The following FUCA2 variants were observed in gnomAD, a reference collection of about 807,000 sequenced individuals.
FUCA2 encodes alpha-L-fucosidase 2.
FUCA2 carries 41 observed loss-of-function variants against 52.6 expected under a neutral mutation model. That is an observed-to-expected ratio of 0.78 (90% CI 0.61 to 1.01). The LOEUF is 1.01. Ranked by LOEUF, FUCA2 falls within the 50% of genes least tolerant of loss-of-function variation. The pLI, the probability that FUCA2 is intolerant of heterozygous loss-of-function variation, is 0.00. For synonymous variants in FUCA2, 211 were observed against 217.3 expected (o/e 0.97, Z 0.26); for missense variants, 507 against 569.5 (o/e 0.89, Z 1.12).
At position 143,507,920 on chromosome 6, in the gene FUCA2, C is replaced by G. The variant is rs553682349; in HGVS notation, c.225-496G>C. On this transcript the variant is annotated intron_variant, in intron 1 of 6. Coordinates refer to ENST00000002165, the MANE Select transcript of FUCA2 (RefSeq NM_032020.5). This position sits in a 1 kb window ranked among gnomAD's most constrained non-coding sequence, Gnocchi z 4.5. Reference sequence around the variant, plus strand: ...CTGGGCTCAAGCGATCTTCCTGCTTCAGTCTCCCGAAGTGTTAGGATTACA... The same window carrying G: ...CTGGGCTCAAGCGATCTTCCTGCTTGAGTCTCCCGAAGTGTTAGGATTACA... Among the ~76,000 whole-genome samples, 1 of 152,280 alleles carries G rather than the reference C, an allele frequency of 6.6e-6. No homozygotes were observed. The highest frequency in any genetic ancestry group is 2.1e-4 in the South Asian group (1 of 4,826).
In FUCA2 at chr6:143,502,806, C is replaced by T. The variant is rs1780548512; in HGVS notation, c.753-241G>A. The T allele has an allele frequency of 2.3e-6, 1 of 441,144 alleles. No homozygotes were observed. The highest frequency in any genetic ancestry group is 4.0e-6 in the Non-Finnish European group (1 of 247,948). 27.3% of individuals were successfully genotyped at this position (441,144 alleles called of 1,614,324 possible). Reference sequence around the variant, plus strand: ...GACTCCTCTGAATAATGAATTTCCTCATCTATGATTAGAACAAAAATAAGT... The same window carrying T: ...GACTCCTCTGAATAATGAATTTCCTTATCTATGATTAGAACAAAAATAAGT... On this transcript the variant is annotated intron_variant, in intron 3 of 6. Transcript: ENST00000002165. The surrounding 1 kb of genome is among the most constrained non-coding windows in gnomAD (Gnocchi z 4.1).
intron 6 of FUCA2, chr6:143,496,839 AT>A (rs1780467030): frequency 6.6e-6 from 1 of 152,232 alleles, no homozygotes; most frequent in South Asian, 2.1e-4. Flanking sequence ...ACAACGTAAA[AT>A]GACTGTGAAG....
rs776220812 is a variant in FUCA2 at position 143,503,961 on chromosome 6, T to TC, written c.703dup (p.Asp235GlyfsTer15). 6.2e-7 allele frequency: 1 copy of TC among 1,614,166 alleles called. No individual in the cohort carries two copies. The highest frequency in any genetic ancestry group is 8.5e-7 in the Non-Finnish European group (1 of 1,180,024). On this transcript the variant is annotated frameshift_variant, in exon 3 of 7. Coordinates refer to ENST00000002165, the MANE Select transcript of FUCA2 (RefSeq NM_032020.5). LOFTEE classifies it high-confidence loss of function. This position sits in a 1 kb window ranked among gnomAD's most constrained non-coding sequence, Gnocchi z 4.8. ...GAAGCCTGTGCTGTTCCAGTATTGATCCGGTGCTCCTCCGTCACCATCCGA... is the reference window on the plus strand; with the variant it reads ...GAAGCCTGTGCTGTTCCAGTATTGATCCCGGTGCTCCTCCGTCACCATCCGA...
At position 143,511,631 on chromosome 6, in the gene FUCA2, G is replaced by T. The variant is rs1489405456; in HGVS notation, c.4C>A (p.Arg2=). Residue 2 remains arginine, a synonymous_variant, in exon 1 of 7, where the codon CGG becomes AGG. Transcript: ENST00000002165. This position sits in a 1 kb window ranked among gnomAD's most constrained non-coding sequence, Gnocchi z 6.3. ...GCGAGCCTGGGGAGCTCCTGGGGCCGCATGTCCCGGCGCAGGCCGGCTGTC... is the reference window on the plus strand; with the variant it reads ...GCGAGCCTGGGGAGCTCCTGGGGCCTCATGTCCCGGCGCAGGCCGGCTGTC... The part of the protein sequence containing the change: M[R]PQELPRLAFP... The T allele has an allele frequency of 3.3e-6, 5 of 1,515,116 alleles. No individual in the cohort carries two copies. The highest frequency in any genetic ancestry group is 1.4e-5 in the African/African-American group (1 of 71,798). 93.9% of individuals were successfully genotyped at this position (1,515,116 alleles called of 1,614,324 possible).
chr6:143,507,272 G>T lies in FUCA2; in HGVS notation c.377C>A (p.Ala126Asp). 1 of 1,601,062 alleles carries T rather than the reference G, an allele frequency of 6.2e-7. No homozygotes were observed. Among genetic ancestry groups the T allele is most frequent in the South Asian group, 1.1e-5 (1 of 88,380 alleles). The change falls in exon 2 of 7, where the codon GCC becomes GAC. Residue 126 changes from alanine (A) to aspartate (D), a missense_variant. Coordinates refer to ENST00000002165, the MANE Select transcript of FUCA2 (RefSeq NM_032020.5). The surrounding 1 kb of genome is among the most constrained non-coding windows in gnomAD (Gnocchi z 4.5). ...QWADIFQASG[A>D]KYIVLTSKHH... ...TTTGGAAGTTAAGACAATGTATTTGGCACCAGAGGCCTGAAAAATATCTGC... is the reference window on the plus strand; with the variant it reads ...TTTGGAAGTTAAGACAATGTATTTGTCACCAGAGGCCTGAAAAATATCTGC...
rs1780652209 is a variant in FUCA2, at chr6:143,509,203, T to C, written c.225-1779A>G. 6.6e-6 allele frequency among the ~76,000 whole-genome samples: 1 copy of C among 152,234 alleles called. No individual in the cohort carries two copies. The highest frequency in any genetic ancestry group is 2.4e-5 in the African/African-American group (1 of 41,458). On this transcript the variant is annotated intron_variant, in intron 1 of 6. Coordinates refer to ENST00000002165, the MANE Select transcript of FUCA2 (RefSeq NM_032020.5). The surrounding 1 kb of genome is among the most constrained non-coding windows in gnomAD (Gnocchi z 5.4). Reference sequence around the variant, plus strand: ...AAGAGGCATTTATGGTAAAGGTCTATCATTTATATTTGGTTTTTAATAGAC... The same window carrying C: ...AAGAGGCATTTATGGTAAAGGTCTACCATTTATATTTGGTTTTTAATAGAC...
At position 143,511,409 on chromosome 6, in the gene FUCA2, A is replaced by T; in HGVS notation, c.224+2T>A. 1 of 1,609,670 alleles carries T rather than the reference A, an allele frequency of 6.2e-7. No individual in the cohort carries two copies. The highest frequency in any genetic ancestry group is 8.5e-7 in the Non-Finnish European group (1 of 1,177,656). On this transcript the variant is annotated splice_donor_variant, in intron 1 of 6. Transcript: ENST00000002165. LOFTEE classifies it high-confidence loss of function. The surrounding 1 kb of genome is among the most constrained non-coding windows in gnomAD (Gnocchi z 6.3). ...AGACGAGACAAAAGGGAGCGCACTC[A>T]CCAGAACCACTCGCTACCGAAGCTG...
Position 143,507,497 on chromosome 6 carries a change from T to G in FUCA2, c.225-73A>C. On this transcript the variant is annotated intron_variant, in intron 1 of 6. Transcript: ENST00000002165. This position sits in a 1 kb window ranked among gnomAD's most constrained non-coding sequence, Gnocchi z 4.5. ...TTTAAAAGAACTGCTCCAGCTCCCC[T>G]TACCATTTACCCCTCACACAGATAG... The G allele has an allele frequency of 9.6e-7, 1 of 1,045,576 alleles. No individual in the cohort carries two copies. The highest frequency in any genetic ancestry group is 1.7e-5 in the South Asian group (1 of 59,434). The allele number at this position is 1,045,576 out of a possible 1,614,324, so 64.8% of individuals were successfully genotyped here. A position where few individuals can be genotyped will look rare whatever the true frequency, so the allele number is the denominator to read the frequency against.
intron 6 of FUCA2, chr6:143,496,655 G>A (rs921120846): frequency 6.6e-6 from 1 of 152,138 alleles, no homozygotes; most frequent in Non-Finnish European, 1.5e-5. Context: ...TGCCAGATCT[G>A]GTGGTTTCAA....
rs1429676939 is a variant in FUCA2, at chr6:143,504,873, T to C, written c.413-621A>G. 1 of 136,802 alleles carries C rather than the reference T, an allele frequency of 7.3e-6. No homozygotes were observed. The highest frequency in any genetic ancestry group is 2.0e-4 in the East Asian group (1 of 4,930). The allele number at this position is 136,802 out of a possible 1,614,324, so 8.5% of individuals were successfully genotyped here. ...CAGAGGGGCAAAAAAAAACCCCTAC[T>C]ATTCCCAATAGTTCTATACTTTAAA... On this transcript the variant is annotated intron_variant, in intron 2 of 6. Transcript: ENST00000002165. The surrounding 1 kb of genome is among the most constrained non-coding windows in gnomAD (Gnocchi z 4.4).
chr6:143,507,240 C>T lies in FUCA2; in HGVS notation c.409G>A (p.Glu137Lys). 6.3e-7 allele frequency: 1 copy of T among 1,586,596 alleles called. No individual in the cohort carries two copies. The highest frequency in any genetic ancestry group is 8.5e-7 in the Non-Finnish European group (1 of 1,171,948). Reference sequence around the variant, plus strand: ...TCCATAGGCTGGATTGACTTACCTTCATGATGTTTGGAAGTTAAGACAATG... The same window carrying T: ...TCCATAGGCTGGATTGACTTACCTTTATGATGTTTGGAAGTTAAGACAATG... ...KYIVLTSKHH[E>K]GFTLWGSEYS... The change falls in exon 2 of 7, where the codon GAA becomes AAA. Residue 137 changes from glutamate to lysine, a missense_variant. Glu to Lys is a moderately conservative substitution (Grantham distance 56). Coordinates refer to ENST00000002165, the MANE Select transcript of FUCA2 (RefSeq NM_032020.5). This position sits in a 1 kb window ranked among gnomAD's most constrained non-coding sequence, Gnocchi z 4.5.
At position 143,497,851 on chromosome 6, in the gene FUCA2, C is replaced by G. The variant is rs970815595; in HGVS notation, c.1155-354G>C. On this transcript the variant is annotated intron_variant, in intron 5 of 6. Transcript: ENST00000002165. This position sits in a 1 kb window ranked among gnomAD's most constrained non-coding sequence, Gnocchi z 5.3. ...ATATTCATTCATTCATTCAACAAGA[C>G]AAGATATGCATGTGTCAATTCTGTG... Among the ~76,000 whole-genome samples, 4 of 152,178 alleles carry G rather than the reference C, an allele frequency of 2.6e-5. No individual in the cohort carries two copies. The highest frequency in any genetic ancestry group is 4.4e-5 in the Non-Finnish European group (3 of 68,030).
chr6:143,505,429 C>T (rs953695003), intron 2 of FUCA2: 2 of 151,438 alleles, frequency 1.3e-5, no homozygotes. Flanking sequence ...ATGCTCCCAC[C>T]TCAGCCTACC....
rs1780503418 is a variant in FUCA2 at position 143,499,420 on chromosome 6, G to T, written c.1155-1923C>A. 6.6e-6 allele frequency among the ~76,000 whole-genome samples: 1 copy of T among 152,138 alleles called. No homozygotes were observed. The highest frequency in any genetic ancestry group is 1.5e-5 in the Non-Finnish European group (1 of 68,018). On this transcript the variant is annotated intron_variant, in intron 5 of 6. Transcript: ENST00000002165. This position sits in a 1 kb window ranked among gnomAD's most constrained non-coding sequence, Gnocchi z 6.0. ...AATACAAAAAAATTAGCCAGGCTTGGTGGCGGACACCTGTAATCCCAGCTA... is the reference window on the plus strand; with the variant it reads ...AATACAAAAAAATTAGCCAGGCTTGTTGGCGGACACCTGTAATCCCAGCTA...
rs752131681 is a variant in FUCA2, at chr6:143,504,128, C to T, written c.537G>A (p.Leu179=). The T allele has an allele frequency of 6.2e-7, 1 of 1,614,106 alleles. No homozygotes were observed. Among genetic ancestry groups the T allele is most frequent in the Non-Finnish European group, 8.5e-7 (1 of 1,180,004 alleles). The change falls in exon 3 of 7, where the codon CTG becomes CTA. Residue 179 remains leucine, a synonymous_variant. Coordinates refer to ENST00000002165, the MANE Select transcript of FUCA2 (RefSeq NM_032020.5). The surrounding 1 kb of genome is among the most constrained non-coding windows in gnomAD (Gnocchi z 4.4). ...IRNRTDLRFG[L]YYSLFEWFHP... ...GAAACCATTCAAAAAGGGAATAGTA[C>T]AGTCCAAAACGCAGGTCAGTTCTGT... is the stretch of plus-strand genomic sequence containing the variant.
Position 143,511,403 on chromosome 6 carries a change from G to A in FUCA2, c.224+8C>T. 1 of 1,598,160 alleles carries A rather than the reference G, an allele frequency of 6.3e-7. No homozygotes were observed. Among genetic ancestry groups the A allele is most frequent in the Non-Finnish European group, 8.5e-7 (1 of 1,169,948 alleles). Reference sequence around the variant, plus strand: ...CGCGGCAGACGAGACAAAAGGGAGCGCACTCACCAGAACCACTCGCTACCG... The same window carrying A: ...CGCGGCAGACGAGACAAAAGGGAGCACACTCACCAGAACCACTCGCTACCG... On this transcript the variant is annotated splice_region_variant and intron_variant, in intron 1 of 6. Coordinates refer to ENST00000002165, the MANE Select transcript of FUCA2 (RefSeq NM_032020.5). This position sits in a 1 kb window ranked among gnomAD's most constrained non-coding sequence, Gnocchi z 6.3.
At position 143,495,938 on chromosome 6, in the gene FUCA2, C is replaced by G. The variant is rs1780453325; in HGVS notation, c.1264-91G>C. 8.2e-6 allele frequency: 11 copies of G among 1,345,562 alleles called. No individual in the cohort carries two copies. The highest frequency in any genetic ancestry group is 1.0e-5 in the Non-Finnish European group (10 of 969,908). The allele number at this position is 1,345,562 out of a possible 1,614,324, so 83.4% of individuals were successfully genotyped here. A position where few individuals can be genotyped will look rare whatever the true frequency, so the allele number is the denominator to read the frequency against. On this transcript the variant is annotated intron_variant, in intron 6 of 6. Transcript: ENST00000002165. This position sits in a 1 kb window ranked among gnomAD's most constrained non-coding sequence, Gnocchi z 5.2. Reference sequence around the variant, plus strand: ...GGGAAGGAGTGATTAGTAGTTCAAACAAAATTGTAGACAAGAGGTTCATTT... The same window carrying G: ...GGGAAGGAGTGATTAGTAGTTCAAAGAAAATTGTAGACAAGAGGTTCATTT...
rs186735057 is a variant in FUCA2, at chr6:143,500,052, G to A, written c.1154+1880C>T. 1.0e-4 allele frequency among the ~76,000 whole-genome samples: 15 copies of A among 143,226 alleles called. No homozygotes were observed. The East Asian group carries it at 2.0e-3, about 19-fold the overall frequency. 94.0% of individuals were successfully genotyped at this position (143,226 alleles called of 152,430 possible). Reference sequence around the variant, plus strand: ...TTTTACATTGTATGTGTCTGGGTGCGTGTGTGTGTGTGTGTGTTTCCATAG... The same window carrying A: ...TTTTACATTGTATGTGTCTGGGTGCATGTGTGTGTGTGTGTGTTTCCATAG... On this transcript the variant is annotated intron_variant, in intron 5 of 6. Transcript: ENST00000002165. The surrounding 1 kb of genome is among the most constrained non-coding windows in gnomAD (Gnocchi z 6.9).
chr6:143,502,421 T>A lies in FUCA2; in HGVS notation c.897A>T (p.Lys299Asn), dbSNP rs374985227. 5.2e-5 allele frequency: 84 copies of A among 1,614,094 alleles called. 4 individuals are homozygous for A. Among genetic ancestry groups the A allele is most frequent in the East Asian group, 3.6e-4 (16 of 44,878 alleles). The part of the protein sequence containing the change: ...HKWENCMTID[K>N]LSWGYRREAG... ...CTTCCCTCCTATAGCCCCAGGACAG[T>A]TTGTCTATTGTCATGCAGTTTTCCC... The change falls in exon 4 of 7, where the codon AAA (lysine) becomes AAT (asparagine). Residue 299 changes from lysine (K) to asparagine (N), a missense_variant. Physicochemically the swap from Lys to Asn is moderately conservative, Grantham distance 94. Transcript: ENST00000002165. The surrounding 1 kb of genome is among the most constrained non-coding windows in gnomAD (Gnocchi z 4.1).
Sources: allele counts gnomAD v4.1 joint callset (sites outside exome capture counted in the v4.1 genomes callset), GRCh38; gene constraint gnomAD v4.1.1; non-coding constraint Gnocchi (gnomAD v3.1); transcripts MANE v1.5; gene names NCBI Gene and HGNC (gene_info 2026-07-23, HGNC 2026-07-21).